PPP2R2C: variants seen among roughly 807,000 people sequenced by gnomAD.
PPP2R2C encodes protein phosphatase 2 regulatory subunit Bgamma.
A neutral mutation model predicts 45.3 loss-of-function variants in PPP2R2C; 10 were observed. The observed-to-expected ratio is 0.22, with a 90% confidence interval of 0.14 to 0.37. The LOEUF is 0.37. Ranked by LOEUF, PPP2R2C falls within the 10% of genes least tolerant of loss-of-function variation. PPP2R2C has a pLI of 1.00. For synonymous variants in PPP2R2C, 257 were observed against 245.4 expected, an observed-to-expected ratio of 1.05 and a Z score of -0.44; for missense variants, 308 against 619.7, an observed-to-expected ratio of 0.50 and a Z score of 5.34.
At position 6,434,535 on chromosome 4, in the gene PPP2R2C, T is replaced by A. The variant is rs540153060; in HGVS notation, c.70+37625A>T. On this transcript the variant is annotated intron_variant, in intron 1 of 8. Coordinates refer to ENST00000382599, the MANE Select transcript of PPP2R2C (RefSeq NM_020416.4). ...CACCACGCCTGGCTAATTTTTGTAG[T>A]TTTAGTAGAGATGGGGTTTCGTGAT... Among the ~76,000 whole-genome samples, 4 of 152,016 alleles carry A rather than the reference T, an allele frequency of 2.6e-5. No individual in the cohort carries two copies. In the South Asian group the frequency reaches 6.3e-4, roughly 24 times the overall value.
intron 2 of PPP2R2C, among the ~76,000 whole-genome samples, chr4:6,515,540 C>A (rs539493549): frequency 1.3e-5 from 2 of 152,362 alleles, no homozygotes; most frequent in African/African-American, 4.8e-5. Flanking sequence ...CCACAGAGTA[C>A]TCACCTCAAA....
chr4:6,453,069 G>A (rs558794808), intron 1 of PPP2R2C, among the ~76,000 whole-genome samples: 91 of 152,308 alleles, frequency 6.0e-4, no homozygotes, highest in African/African-American at 1.7e-3. Flanking sequence ...CCCTCTGCCC[G>A]CAGTCCCACT....
chr4:6,527,464 C>G (rs926091685), intron 2 of PPP2R2C, among the ~76,000 whole-genome samples: 3 of 147,742 alleles, frequency 2.0e-5, no homozygotes, highest in South Asian at 4.4e-4. Context: ...CATGCAGCCT[C>G]TGTGGCCAAG....
upstream of PPP2R2C, among the ~76,000 whole-genome samples, chr4:6,472,815 G>A (rs1721987369): frequency 6.6e-6 from 1 of 152,082 alleles, no homozygotes; most frequent in South Asian, 2.1e-4. Flanking sequence ...GCGGGGAGAG[G>A]GTGATCAGCT....
intron 6 of PPP2R2C, among the ~76,000 whole-genome samples, chr4:6,346,626 G>C (rs1444555201): frequency 6.6e-6 from 1 of 152,238 alleles, no homozygotes; most frequent in Non-Finnish European, 1.5e-5. Context: ...GTGACACACG[G>C]AGCGTGGACA....
At chr4:6,508,372 G>T (rs1489572465) in intron 2 of PPP2R2C, among the ~76,000 whole-genome samples, 1 of 152,178 alleles carries the variant, frequency 6.6e-6, no homozygotes, top group African/African-American at 2.4e-5. Flanking sequence ...GAATCACGAG[G>T]TCAGGAGTTT....
chr4:6,562,821 CAG>C (rs1198043524), intron 1 of PPP2R2C, among the ~76,000 whole-genome samples: 2 of 152,158 alleles, frequency 1.3e-5, no homozygotes, highest in Non-Finnish European at 2.9e-5. Context: ...TCTCGGGCCA[CAG>C]AGTGTGTGGT....
intron 2 of PPP2R2C, among the ~76,000 whole-genome samples, chr4:6,518,068 G>A (rs773973974): frequency 6.6e-6 from 1 of 152,138 alleles, no homozygotes; most frequent in Non-Finnish European, 1.5e-5. Context: ...ATGACTCAAA[G>A]AAGTCTCAAG....
chr4:6,485,144 C>CT (rs1427738416), intron 2 of PPP2R2C, among the ~76,000 whole-genome samples: 1 of 151,654 alleles, frequency 6.6e-6, no homozygotes, highest in African/African-American at 2.4e-5. Flanking sequence ...TTGTCAAATC[C>CT]TTTTTGTGTT....
chr4:6,327,101 G>A (rs1048833574), intron 8 of PPP2R2C, among the ~76,000 whole-genome samples: 2 of 152,156 alleles, frequency 1.3e-5, no homozygotes, highest in Non-Finnish European at 1.5e-5. Context: ...ACTGGGAGGT[G>A]GCACACCTCT....
At chr4:6,370,157 C>G (rs986523247) in intron 5 of PPP2R2C, among the ~76,000 whole-genome samples, 1 of 152,208 alleles carries the variant, frequency 6.6e-6, no homozygotes, top group Admixed American at 6.5e-5. Flanking sequence ...CAGGCCGAGG[C>G]CAGGGCAAAA....
At chr4:6,369,721 C>T (rs1042537920) in intron 5 of PPP2R2C, among the ~76,000 whole-genome samples, 6 of 152,160 alleles carry the variant, frequency 3.9e-5, no homozygotes, top group East Asian at 1.9e-4. Context: ...AGCTTCCTAC[C>T]GAAATTCCTT....
intron 1 of PPP2R2C, among the ~76,000 whole-genome samples, chr4:6,458,206 T>G (rs559105082): frequency 1.6e-3 from 237 of 152,386 alleles, no homozygotes; most frequent in African/African-American, 5.6e-3. Context: ...CTTTCAGTGA[T>G]CTGTTTGTGT....
At chr4:6,385,444 T>A (rs1716142794) in intron 1 of PPP2R2C, among the ~76,000 whole-genome samples, 1 of 152,196 alleles carries the variant, frequency 6.6e-6, no homozygotes, top group African/African-American at 2.4e-5. Flanking sequence ...AGAAAGTCCA[T>A]CTTCTCATCT....
chr4:6,381,236 G>C, intron 1 of PPP2R2C, 142 bp from the exon 2 acceptor site: 6 of 1,537,912 alleles, frequency 3.9e-6, no homozygotes, highest in Non-Finnish European at 5.2e-6. Context: ...GAGCCTGAGG[G>C]GTCAGGAGCA....
intron 8 of PPP2R2C, among the ~76,000 whole-genome samples, chr4:6,327,815 C>T (rs1275051958): frequency 1.3e-5 from 2 of 152,216 alleles, no homozygotes; most frequent in African/African-American, 4.8e-5. Context: ...CTTGCCTGAG[C>T]TCGGGCTCTG....
rs1401518333 is a variant in PPP2R2C, at chr4:6,321,999, G to C, written c.*1303C>G. 6.6e-6 allele frequency: 1 copy of C among 152,186 alleles called. No individual in the cohort carries two copies. The highest frequency in any genetic ancestry group is 1.5e-5 in the Non-Finnish European group (1 of 68,062). The allele number at this position is 152,186 out of a possible 1,614,324, so 9.4% of individuals were successfully genotyped here. A position where few individuals can be genotyped will look rare whatever the true frequency, so the allele number is the denominator to read the frequency against. ...GGGTGCAAGCCCAGGATGAAGTGGA[G>C]TCCTGGGGAGGGCCACACTCCTGAA... is the stretch of plus-strand genomic sequence containing the variant. On this transcript the variant is annotated 3_prime_UTR_variant, in exon 9 of 9. Transcript: ENST00000382599.
At chr4:6,484,720 C>T (rs1483854594) in intron 2 of PPP2R2C, among the ~76,000 whole-genome samples, 1 of 151,696 alleles carries the variant, frequency 6.6e-6, no homozygotes, top group Non-Finnish European at 1.5e-5. Context: ...AGATGTATTC[C>T]TTCCTACCTC....
chr4:6,511,490 TGGTGATGGC>T (rs1723479385), intron 2 of PPP2R2C, among the ~76,000 whole-genome samples: 1 of 109,814 alleles, frequency 9.1e-6, no homozygotes. Flanking sequence ...GCGGTGTTGG[TGGTGATGGC>T]GGTGATGGTG....
Sources: allele counts gnomAD v4.1 joint callset (sites outside exome capture counted in the v4.1 genomes callset), GRCh38; gene constraint gnomAD v4.1.1; transcripts MANE v1.5; gene names NCBI Gene and HGNC (gene_info 2026-07-23, HGNC 2026-07-21).